The following FNDC3B variants were observed in gnomAD, a reference collection of about 807,000 sequenced individuals.
FNDC3B encodes the protein fibronectin type III domain-containing protein 3B.
FNDC3B carries 12 observed loss-of-function variants against 151.5 expected under a neutral mutation model. That is an observed-to-expected ratio of 0.08 (90% confidence interval 0.05 to 0.13). The LOEUF is 0.13. FNDC3B is among the 10% of genes least tolerant of loss of function. The probability of loss-of-function intolerance (pLI) is 1.00; values close to 1 mark genes in which losing one functional copy is unlikely to be tolerated. For synonymous variants in FNDC3B, 528 were observed against 549.0 expected, an observed-to-expected ratio of 0.96 and a Z score of 0.54; for missense variants, 1,214 against 1,505.3, an observed-to-expected ratio of 0.81 and a Z score of 3.20.
intron 2 of FNDC3B, among the ~76,000 whole-genome samples, chr3:172,130,947 T>C (rs1457362334): frequency 1.3e-5 from 2 of 152,180 alleles, no homozygotes; most frequent in African/African-American, 4.8e-5. Flanking sequence ...TTTATTACAG[T>C]GATGCTAGAA....
At chr3:172,311,379 A>C (rs2108252963) in intron 11 of FNDC3B, among the ~76,000 whole-genome samples, 2 of 152,308 alleles carry the variant, frequency 1.3e-5, no homozygotes, top group South Asian at 2.1e-4. Flanking sequence ...CCTGTGGGTT[A>C]GAATGTCCTG....
intron 1 of FNDC3B, among the ~76,000 whole-genome samples, chr3:172,072,938 T>C (rs1717849058): frequency 6.6e-6 from 1 of 152,138 alleles, no homozygotes; most frequent in Non-Finnish European, 1.5e-5. Context: ...GTCTAATTAT[T>C]TTAATTTTTT....
At chr3:172,116,684 G>T (rs1720270007) in intron 2 of FNDC3B, among the ~76,000 whole-genome samples, 1 of 152,070 alleles carries the variant, frequency 6.6e-6, no homozygotes, top group Non-Finnish European at 1.5e-5. Context: ...TCCTGCCTCA[G>T]CCTTCCGAGT....
chr3:172,386,625 C>T (rs149358671), intron 25 of FNDC3B, among the ~76,000 whole-genome samples: 304 of 151,876 alleles, frequency 2.0e-3, no homozygotes, highest in African/African-American at 6.6e-3. Context: ...ACCTGTAGTC[C>T]GAGCTACTTG....
chr3:172,203,476 C>G (rs1276608059), intron 3 of FNDC3B, among the ~76,000 whole-genome samples: 1 of 152,198 alleles, frequency 6.6e-6, no homozygotes, highest in African/African-American at 2.4e-5. Flanking sequence ...GCCAGTTTTT[C>G]TATCTTTCTG....
intron 14 of FNDC3B, 66 bp downstream of exon 14, chr3:172,333,241 C>T (rs1732770122): frequency 2.9e-6 from 3 of 1,026,416 alleles, no homozygotes; most frequent in South Asian, 2.5e-5. Context: ...CACCATTTAC[C>T]ATGTCAGATT....
intron 4 of FNDC3B, among the ~76,000 whole-genome samples, chr3:172,244,221 C>T (rs1194497454): frequency 6.6e-6 from 1 of 152,104 alleles, no homozygotes; most frequent in Non-Finnish European, 1.5e-5. Context: ...GATTCATCTG[C>T]CTCTGGACAT....
chr3:172,077,004 A>G (rs1718042458), intron 1 of FNDC3B, among the ~76,000 whole-genome samples: 1 of 152,242 alleles, frequency 6.6e-6, no homozygotes, highest in African/African-American at 2.4e-5. Context: ...CATTTTAGTT[A>G]GAAAACAAAA....
chr3:172,331,267 A>G (rs1005817544), intron 13 of FNDC3B, among the ~76,000 whole-genome samples: 5 of 152,122 alleles, frequency 3.3e-5, no homozygotes, highest in African/African-American at 1.2e-4. Flanking sequence ...AGCTCTTACA[A>G]TGCCCACAAG....
intron 6 of FNDC3B, among the ~76,000 whole-genome samples, chr3:172,285,502 A>C (rs76124868): frequency 0.02 from 3,033 of 152,330 alleles, 100 homozygotes; most frequent in African/African-American, 0.068. Context: ...TAAATAAACA[A>C]GTAAAAATAC....
chr3:172,137,750 A>G (rs748303460), intron 3 of FNDC3B, among the ~76,000 whole-genome samples: 1 of 152,222 alleles, frequency 6.6e-6, no homozygotes, highest in Non-Finnish European at 1.5e-5. Context: ...TTCTAATGGA[A>G]TATTTCTCAA....
At chr3:172,322,476 G>A (rs1217435654) in intron 11 of FNDC3B, among the ~76,000 whole-genome samples, 1 of 152,190 alleles carries the variant, frequency 6.6e-6, no homozygotes, top group African/African-American at 2.4e-5. Flanking sequence ...CATAGACTTA[G>A]ACTTTGTTTC....
At chr3:172,058,457 T>C (rs1335859741) in intron 1 of FNDC3B, among the ~76,000 whole-genome samples, 1 of 151,794 alleles carries the variant, frequency 6.6e-6, no homozygotes, top group Non-Finnish European at 1.5e-5. Context: ...AATTTTCTTT[T>C]TTTTTTTTTT....
chr3:172,138,047 T>G (rs1000812490), intron 3 of FNDC3B, among the ~76,000 whole-genome samples: 4 of 152,180 alleles, frequency 2.6e-5, no homozygotes, highest in Non-Finnish European at 5.9e-5. Context: ...CAGCCTTCCT[T>G]CCTGTCTACA....
At chr3:172,216,268 G>A (rs373742179) in intron 3 of FNDC3B, among the ~76,000 whole-genome samples, 75 of 152,138 alleles carry the variant, frequency 4.9e-4, no homozygotes, top group African/African-American at 1.7e-3. Flanking sequence ...ATGTTTACGG[G>A]GTCCTGGTTT....
chr3:172,156,518 TG>T (rs1247360718), intron 3 of FNDC3B, among the ~76,000 whole-genome samples: 1 of 152,198 alleles, frequency 6.6e-6, no homozygotes, highest in African/African-American at 2.4e-5. Flanking sequence ...AGCCAGCAAG[TG>T]ACTGGCACAG....
intron 3 of FNDC3B, among the ~76,000 whole-genome samples, chr3:172,157,734 G>T (rs1722565026): frequency 1.3e-5 from 2 of 152,212 alleles, no homozygotes; most frequent in African/African-American, 2.4e-5. Context: ...TTCTTATATT[G>T]CTGAGCAGGA....
chr3:172,323,542 A>C (rs1732193569), intron 11 of FNDC3B, among the ~76,000 whole-genome samples: 1 of 152,154 alleles, frequency 6.6e-6, no homozygotes, highest in African/African-American at 2.4e-5. Context: ...CAAAAAGTAG[A>C]ATATTTGGAA....
At chr3:172,345,497 T>C (rs904291274) in intron 19 of FNDC3B, among the ~76,000 whole-genome samples, 2 of 152,186 alleles carry the variant, frequency 1.3e-5, no homozygotes, top group African/African-American at 2.4e-5. Flanking sequence ...TATATATCGC[T>C]GTAGTCACCT....
Sources: allele counts gnomAD v4.1 joint callset (sites outside exome capture counted in the v4.1 genomes callset), GRCh38; gene constraint gnomAD v4.1.1; transcripts MANE v1.5; gene names NCBI Gene and HGNC (gene_info 2026-07-23, HGNC 2026-07-21).